YEATS2: variants seen among roughly 807,000 people sequenced by gnomAD.
The protein encoded by YEATS2 is YEATS domain containing 2.
In YEATS2, 77 loss-of-function variants were observed where a neutral mutation model predicts 163.2. The observed-to-expected ratio is 0.47, with a 90% confidence interval of 0.39 to 0.57. YEATS2 has a LOEUF of 0.57. Ranked by LOEUF, YEATS2 falls within the 20% of genes least tolerant of loss-of-function variation. The pLI, the probability that YEATS2 is intolerant of heterozygous loss-of-function variation, is 0.00. For synonymous variants in YEATS2, 631 were observed against 645.1 expected, an observed-to-expected ratio of 0.98 and a Z score of 0.33; for missense variants, 1,549 against 1,729.8, an observed-to-expected ratio of 0.90 and a Z score of 1.85.
Position 183,780,753 on chromosome 3 carries a change from A to C in YEATS2, c.2736+3053A>C, listed in dbSNP as rs147865913. Among the ~76,000 whole-genome samples the C allele has an allele frequency of 1.4e-3, 212 of 152,352 alleles. 1 individual carries two copies. The highest frequency in any genetic ancestry group is 3.1e-3 in the African/African-American group (127 of 41,588). On this transcript the variant is annotated intron_variant, in intron 19 of 30. Coordinates refer to ENST00000305135, the MANE Select transcript of YEATS2 (RefSeq NM_018023.5). Reference sequence around the variant, plus strand: ...ATGTCTCTCAGCATTTAGCTAATCAAGTGGATAAATCTTTTTTATTATAAA... The same window carrying C: ...ATGTCTCTCAGCATTTAGCTAATCACGTGGATAAATCTTTTTTATTATAAA...
rs1374185097 is a variant in YEATS2 at position 183,810,427 on chromosome 3, A to G, written c.4161-48A>G. On this transcript the variant is annotated intron_variant, in intron 30 of 30. Coordinates refer to ENST00000305135, the MANE Select transcript of YEATS2 (RefSeq NM_018023.5). ...GAGTTAAGTGAATAAATGATGAGATATACGTGAGAGAATTTCACCTGGTAA... is the reference window on the plus strand; with the variant it reads ...GAGTTAAGTGAATAAATGATGAGATGTACGTGAGAGAATTTCACCTGGTAA... The G allele has an allele frequency of 4.0e-6, 6 of 1,503,182 alleles. No homozygotes were observed. In the African/African-American group the frequency reaches 6.9e-5, roughly 17 times the overall value. 93.1% of individuals were successfully genotyped at this position (1,503,182 alleles called of 1,614,324 possible).
chr3:183,769,492 T>C (rs1722235976), intron 15 of YEATS2, among the ~76,000 whole-genome samples: 1 of 152,206 alleles, frequency 6.6e-6, no homozygotes, highest in African/African-American at 2.4e-5. Flanking sequence ...TCATTTTGCT[T>C]CATGATTCGG....
intron 8 of YEATS2, among the ~76,000 whole-genome samples, chr3:183,745,338 C>T (rs1023103779): frequency 6.6e-6 from 1 of 152,234 alleles, no homozygotes; most frequent in Non-Finnish European, 1.5e-5. Context: ...CCCCCACCTG[C>T]TCTCAGGGCT....
rs34612765 is a variant in YEATS2, at chr3:183,804,151, C to T, written c.3747C>T (p.Ser1249=). The change falls in exon 27 of 31, where the codon TCC becomes TCT. Residue 1249 remains serine (S), a synonymous_variant. Coordinates refer to ENST00000305135, the MANE Select transcript of YEATS2 (RefSeq NM_018023.5). ...AGAGCCTGAGGAATGACGGGGACTC[C>T]ATCGAGGACGTGCTGACCCAGATCG... ...DPESLRNDGD[S]IEDVLTQIDS... The T allele has an allele frequency of 0.047, 75,913 of 1,614,122 alleles. 2,082 individuals carry two copies. Among genetic ancestry groups the T allele is most frequent in the Middle Eastern group, 0.07 (426 of 6,062 alleles).
chr3:183,713,535 C>T (rs1715488171), intron 1 of YEATS2, among the ~76,000 whole-genome samples: 1 of 152,174 alleles, frequency 6.6e-6, no homozygotes, highest in Non-Finnish European at 1.5e-5. Flanking sequence ...TGCACTCCAG[C>T]CTGGGCAATA....
intron 15 of YEATS2, among the ~76,000 whole-genome samples, chr3:183,766,757 C>G (rs577102389): frequency 6.6e-6 from 1 of 152,276 alleles, no homozygotes; most frequent in South Asian, 2.1e-4. Flanking sequence ...TAGTCTCAGC[C>G]TCCCTGGGCT....
At chr3:183,783,434 G>T (rs1723765106) in intron 19 of YEATS2, among the ~76,000 whole-genome samples, 1 of 152,150 alleles carries the variant, frequency 6.6e-6, no homozygotes, top group African/African-American at 2.4e-5. Context: ...GATTCAGGGG[G>T]TACATGTGCA....
intron 21 of YEATS2, among the ~76,000 whole-genome samples, chr3:183,797,567 T>TAAATA (rs1393380674): frequency 1.3e-5 from 2 of 149,564 alleles, no homozygotes; most frequent in African/African-American, 4.9e-5. Flanking sequence ...AATAAATAAA[T>TAAATA]AAATAAATAG....
chr3:183,698,956 A>G (rs1008724431), intron 1 of YEATS2, among the ~76,000 whole-genome samples: 4 of 152,202 alleles, frequency 2.6e-5, no homozygotes, highest in African/African-American at 9.6e-5. Context: ...AAGATAGGGC[A>G]GATGATGCCC....
chr3:183,758,746 A>AAG (rs1721027612), intron 12 of YEATS2, 116 bp from the exon 13 acceptor site: 1 of 783,770 alleles, frequency 1.3e-6, no homozygotes, highest in South Asian at 1.7e-5. Flanking sequence ...ATGAGTTTTC[A>AAG]ACCCTTAAAC....
At chr3:183,791,767 T>C (rs1724677103) in intron 21 of YEATS2, among the ~76,000 whole-genome samples, 1 of 152,178 alleles carries the variant, frequency 6.6e-6, no homozygotes, top group Non-Finnish European at 1.5e-5. Context: ...AGTGTTAGAG[T>C]GATAGGCTGG....
intron 26 of YEATS2, 156 bp from the exon 27 acceptor site, chr3:183,803,828 CTTT>C: frequency 1.7e-6 from 1 of 586,716 alleles, no homozygotes; most frequent in Non-Finnish European, 2.7e-6. Context: ...GGAAGTTCGA[CTTT>C]TTTTTTTAAT....
chr3:183,783,523 A>T (rs938860036), intron 19 of YEATS2, among the ~76,000 whole-genome samples: 2 of 152,202 alleles, frequency 1.3e-5, no homozygotes, highest in African/African-American at 4.8e-5. Context: ...TGAGCATCAT[A>T]CCCAATAGTT....
chr3:183,745,188 C>T (rs1719399058), intron 8 of YEATS2, among the ~76,000 whole-genome samples: 1 of 152,208 alleles, frequency 6.6e-6, no homozygotes, highest in East Asian at 1.9e-4. Flanking sequence ...TTGCTGTCTC[C>T]TGATAGGCTT....
At chr3:183,709,453 G>C (rs1478849173) in intron 1 of YEATS2, among the ~76,000 whole-genome samples, 1 of 149,244 alleles carries the variant, frequency 6.7e-6, no homozygotes, top group Non-Finnish European at 1.5e-5. Context: ...TCGTGCCTCA[G>C]CCTCCCGAGT....
intron 19 of YEATS2, among the ~76,000 whole-genome samples, chr3:183,782,097 G>C (rs957361093): frequency 2.0e-5 from 3 of 151,768 alleles, no homozygotes; most frequent in African/African-American, 7.3e-5. Flanking sequence ...TTTTATTCTT[G>C]AGTTAATTTT....
Position 183,756,602 on chromosome 3 carries a change from G to C in YEATS2, c.1465G>C (p.Gly489Arg), listed in dbSNP as rs201253212. The C allele has an allele frequency of 6.2e-7, 1 of 1,607,282 alleles. No homozygotes were observed. The highest frequency in any genetic ancestry group is 2.2e-5 in the East Asian group (1 of 44,660). The change falls in exon 12 of 31, where the codon GGC becomes CGC. Residue 489 changes from glycine (G) to arginine (R), a missense_variant. Physicochemically the swap from Gly to Arg is moderately radical, Grantham distance 125. Coordinates refer to ENST00000305135, the MANE Select transcript of YEATS2 (RefSeq NM_018023.5). ...PTSTPVHVKQGTAGSVINNPY... is the reference protein window; with the variant it reads ...PTSTPVHVKQRTAGSVINNPY... ...TTCCACTCCAGTCCACGTGAAGCAA[G>C]GCACTGCCGGCTCTGTTATTAATAA...
chr3:183,762,030 A>G, intron 14 of YEATS2, 67 bp from the exon 15 acceptor site: 1 of 1,598,818 alleles, frequency 6.3e-7, no homozygotes, highest in South Asian at 1.1e-5. Flanking sequence ...GAAGAGTCAG[A>G]TATTAGCAGC....
intron 21 of YEATS2, among the ~76,000 whole-genome samples, chr3:183,797,544 C>CAATAAATAAATAAATA (rs111590921): frequency 0.018 from 2,638 of 143,004 alleles, 52 homozygotes; most frequent in African/African-American, 0.053. Flanking sequence ...GTCTCTAACA[C>CAATAAATAAATAAATA]AATAAATAAA....
Sources: allele counts gnomAD v4.1 joint callset (sites outside exome capture counted in the v4.1 genomes callset), GRCh38; gene constraint gnomAD v4.1.1; transcripts MANE v1.5; gene names NCBI Gene and HGNC (gene_info 2026-07-23, HGNC 2026-07-21).